LIN52: variants seen among roughly 807,000 people sequenced by gnomAD.
LIN52 encodes protein lin-52 homolog.
LIN52 carries 4 observed loss-of-function variants against 18.5 expected under a neutral mutation model. The ratio of observed to expected loss-of-function variants is 0.22; its 90% confidence interval spans 0.11 to 0.49. The LOEUF (loss-of-function observed/expected upper bound fraction) is 0.49, where lower values mean the gene tolerates loss of function less well. Among genes scored for constraint, LIN52 ranks in the 20% least tolerant of loss-of-function variants. The pLI, the probability that LIN52 is intolerant of heterozygous loss-of-function variation, is 0.97. For synonymous variants in LIN52, 34 were observed against 45.5 expected (o/e 0.75, Z 1.02); for missense variants, 102 against 139.5 (o/e 0.73, Z 1.35).
chr14:74,130,278 G>GTTTTTTGTTTTTTTTTTTTTTT (rs2061055100), intron 5 of LIN52, among the ~76,000 whole-genome samples: 1 of 64,842 alleles, frequency 1.5e-5, no homozygotes, highest in African/African-American at 6.3e-5. Flanking sequence ...GCATTTTTTG[G>GTTTTTTGTTTTTTTTTTTTTTT]TTTTTTTTTT....
chr14:74,169,663 T>C (rs1299060496), intron 5 of LIN52, among the ~76,000 whole-genome samples: 4 of 152,240 alleles, frequency 2.6e-5, no homozygotes, highest in Non-Finnish European at 4.4e-5. Context: ...CACACATAAA[T>C]AGTTCAATGT....
intron 4 of LIN52, among the ~76,000 whole-genome samples, chr14:74,099,279 T>TAA (rs769076793): frequency 6.6e-6 from 1 of 150,880 alleles, no homozygotes; most frequent in Non-Finnish European, 1.5e-5. Context: ...TAAATGAGAT[T>TAA]AAAAAAAAAC....
intron 2 of LIN52, among the ~76,000 whole-genome samples, chr14:74,092,113 G>T (rs949049654): frequency 6.6e-6 from 1 of 151,852 alleles, no homozygotes; most frequent in African/African-American, 2.4e-5. Context: ...TGGGACTACA[G>T]GTGCATGCCA....
At chr14:74,117,351 G>A (rs774523224) in intron 5 of LIN52, among the ~76,000 whole-genome samples, 2 of 152,184 alleles carry the variant, frequency 1.3e-5, no homozygotes, top group African/African-American at 4.8e-5. Flanking sequence ...CTTCACTGTA[G>A]TTGGAGAACT....
At position 74,198,939 on chromosome 14, in the gene LIN52, G is replaced by T; in HGVS notation, c.301G>T (p.Gly101Trp). Residue 101 changes from glycine to tryptophan, a missense_variant, in exon 6 of 6, where the codon GGG becomes TGG. Gly to Trp is a radical substitution (Grantham distance 184). Coordinates refer to ENST00000555028, the MANE Select transcript of LIN52 (RefSeq NM_001024674.3). ...GATTCCAGCCAGAGAGATGACACGG[G>T]GGAAATTCCTCAATATTCTAGAGAA... ...GLDESREMTR[G>W]KFLNILEKPK... 6.2e-7 allele frequency: 1 copy of T among 1,613,016 alleles called. No individual in the cohort carries two copies.
rs139196724 is a variant in LIN52, at chr14:74,150,071, T to C, written c.283+48833T>C. 2.8e-4 allele frequency among the ~76,000 whole-genome samples: 43 copies of C among 152,332 alleles called. No homozygotes were observed. In the East Asian group the frequency reaches 7.9e-3, roughly 28 times the overall value. Reference sequence around the variant, plus strand: ...GGAGGCTTTAAATGGCAAGTGATTATCAGTACAACCATTTTGGAAAACTTA... The same window carrying C: ...GGAGGCTTTAAATGGCAAGTGATTACCAGTACAACCATTTTGGAAAACTTA... On this transcript the variant is annotated intron_variant, in intron 5 of 5. Transcript: ENST00000555028.
At chr14:74,095,505 G>C (rs2060805734) in intron 2 of LIN52, among the ~76,000 whole-genome samples, 1 of 152,074 alleles carries the variant, frequency 6.6e-6, no homozygotes, top group African/African-American at 2.4e-5. Context: ...GGATCCTCCT[G>C]CCTTGACTTC....
chr14:74,141,630 A>G (rs897773431), intron 5 of LIN52, among the ~76,000 whole-genome samples: 2 of 152,192 alleles, frequency 1.3e-5, no homozygotes. Flanking sequence ...TTCTGGAGGT[A>G]AAGCTTTTAG....
chr14:74,190,313 T>C (rs2061358005), intron 5 of LIN52, among the ~76,000 whole-genome samples: 1 of 152,050 alleles, frequency 6.6e-6, no homozygotes. Context: ...CTGTGATAGT[T>C]TGATCCAGAC....
chr14:74,103,427 ATTTTTTTTTTTT>A (rs11347849), intron 5 of LIN52, among the ~76,000 whole-genome samples: 4 of 88,576 alleles, frequency 4.5e-5, no homozygotes, highest in Admixed American at 2.4e-4. Context: ...AAAATGTAAG[ATTTTTTTTTTTT>A]TTTTTTTTTT....
chr14:74,099,968 C>G (rs1313865274), intron 4 of LIN52, among the ~76,000 whole-genome samples: 1 of 152,246 alleles, frequency 6.6e-6, no homozygotes, highest in East Asian at 1.9e-4. Flanking sequence ...CCATTTGCTC[C>G]TAACCTCCAA....
intron 5 of LIN52, among the ~76,000 whole-genome samples, chr14:74,159,995 AC>A (rs1034145849): frequency 2.0e-5 from 3 of 152,164 alleles, no homozygotes; most frequent in African/African-American, 7.2e-5. Context: ...AGTTTCTATG[AC>A]TTTTATCAGA....
At chr14:74,150,100 G>A (rs937717613) in intron 5 of LIN52, among the ~76,000 whole-genome samples, 14 of 152,048 alleles carry the variant, frequency 9.2e-5, no homozygotes, top group Non-Finnish European at 1.0e-4. Flanking sequence ...AAACTTAGGC[G>A]GTATCTACTA....
In LIN52 at chr14:74,184,282, T is replaced by C. The variant is rs185234068; in HGVS notation, c.284-14640T>C. Among the ~76,000 whole-genome samples, 120 of 152,374 alleles carry C rather than the reference T, an allele frequency of 7.9e-4. 1 individual carries two copies. In the East Asian group the frequency reaches 0.021, roughly 26 times the overall value. On this transcript the variant is annotated intron_variant, in intron 5 of 5. Transcript: ENST00000555028. Reference sequence around the variant, plus strand: ...TTTTTGTGGAGATGGGATTTCTCCATGTTGCCTGGGCTGCGCTCAAGCGAT... The same window carrying C: ...TTTTTGTGGAGATGGGATTTCTCCACGTTGCCTGGGCTGCGCTCAAGCGAT...
intron 5 of LIN52, among the ~76,000 whole-genome samples, chr14:74,191,721 C>T (rs2078877698): frequency 6.6e-6 from 1 of 151,726 alleles, no homozygotes; most frequent in South Asian, 2.1e-4. Flanking sequence ...GCAAGCTCCG[C>T]CTCCCGGGTT....
chr14:74,187,689 G>A (rs1055112775), intron 5 of LIN52, among the ~76,000 whole-genome samples: 2 of 152,268 alleles, frequency 1.3e-5, no homozygotes, highest in East Asian at 1.9e-4. Context: ...GTTAACATCT[G>A]TGTGCACGTT....
intron 5 of LIN52, among the ~76,000 whole-genome samples, chr14:74,108,944 T>TG (rs1449470087): frequency 1.3e-5 from 2 of 152,234 alleles, no homozygotes; most frequent in Admixed American, 1.3e-4. Flanking sequence ...TTGTTGCTTG[T>TG]GTTTTAGTGT....
chr14:74,084,970 G>A lies in LIN52; in HGVS notation c.-5G>A. 8 of 1,447,028 alleles carry A rather than the reference G, an allele frequency of 5.5e-6. No individual in the cohort carries two copies. Among genetic ancestry groups the A allele is most frequent in the Non-Finnish European group, 7.3e-6 (8 of 1,097,798 alleles). 89.6% of individuals were successfully genotyped at this position (1,447,028 alleles called of 1,614,324 possible). On this transcript the variant is annotated 5_prime_UTR_variant, in exon 1 of 6. The change creates a premature stop within an existing upstream ORF in the 5' untranslated region. Coordinates refer to ENST00000555028, the MANE Select transcript of LIN52 (RefSeq NM_001024674.3). ...TTGGCCACGTCACGTGACATGGGTTGGAAGATGGCGTCTCCCACAGACGGT... is the reference window on the plus strand; with the variant it reads ...TTGGCCACGTCACGTGACATGGGTTAGAAGATGGCGTCTCCCACAGACGGT...
chr14:74,087,109 G>A (rs8015481), intron 1 of LIN52, among the ~76,000 whole-genome samples: 34,147 of 151,840 alleles, frequency 0.22, 4,165 homozygotes, highest in South Asian at 0.46. Context: ...CTTTGGCCAG[G>A]AAGAGTATTA....
Sources: allele counts gnomAD v4.1 joint callset (sites outside exome capture counted in the v4.1 genomes callset), GRCh38; gene constraint gnomAD v4.1.1; transcripts MANE v1.5; gene names NCBI Gene and HGNC (gene_info 2026-07-23, HGNC 2026-07-21).